Variants in PLEKHA7 observed in about 807,000 individuals in gnomAD.
PLEKHA7 encodes the protein pleckstrin homology domain containing A7, also known as pleckstrin homology domain-containing family A member 7.
PLEKHA7 carries 104 observed loss-of-function variants against 170.0 expected under a neutral mutation model. That is an observed-to-expected ratio of 0.61 (90% CI 0.52 to 0.72). The LOEUF is 0.72. Ranked by LOEUF, PLEKHA7 falls within the 30% of genes least tolerant of loss-of-function variation. PLEKHA7 has a pLI of 0.00. For missense variants in PLEKHA7, 1,615 were observed against 1,671.7 expected (o/e 0.97, Z 0.59); for synonymous variants, 648 against 660.8 (o/e 0.98, Z 0.30).
At chr11:16,927,025 G>A (rs1242802921) in intron 3 of PLEKHA7, among the ~76,000 whole-genome samples, 2 of 141,864 alleles carry the variant, frequency 1.4e-5, no homozygotes, top group Non-Finnish European at 3.3e-5. Flanking sequence ...ATAAGAGGTT[G>A]GGTCAGGCGT....
At chr11:16,907,160 T>TG (rs758170721) in intron 3 of PLEKHA7, among the ~76,000 whole-genome samples, 20,664 of 82,098 alleles carry the variant, frequency 0.25, 2,057 homozygotes, top group Non-Finnish European at 0.3. Flanking sequence ...GGAAGGGAGG[T>TG]GGGGGGGTTA....
At chr11:16,801,933 T>C in intron 15 of PLEKHA7, 116 bp from the exon 16 acceptor site, 7 of 1,302,460 alleles carry the variant, frequency 5.4e-6, no homozygotes, top group Non-Finnish European at 7.4e-6. Context: ...GGATCAGCGC[T>C]GAGATGTGGG....
At chr11:16,840,809 C>T (rs537545784) in intron 9 of PLEKHA7, among the ~76,000 whole-genome samples, 5 of 152,194 alleles carry the variant, frequency 3.3e-5, no homozygotes, top group East Asian at 1.9e-4. Context: ...GGAAGTACCA[C>T]GAATTCCGAA....
chr11:16,843,661 C>G (rs1386513121), intron 8 of PLEKHA7, among the ~76,000 whole-genome samples: 1 of 152,178 alleles, frequency 6.6e-6, no homozygotes. Context: ...AGAATAAGGC[C>G]AGGCACAGGG....
chr11:16,795,029 C>T lies in PLEKHA7; in HGVS notation c.2410-11G>A, dbSNP rs557807524. ...TATCTGCGATTTCTCCTGAGGAAGA[C>T]GAAGTGGTGGGTTTGCCTTCTTAGC... On this transcript the variant is annotated splice_polypyrimidine_tract_variant and intron_variant, in intron 17 of 26. Transcript: ENST00000531066. 5.7e-5 allele frequency: 90 copies of T among 1,591,968 alleles called. 1 individual carries two copies. In the South Asian group the frequency reaches 7.2e-4, roughly 13 times the overall value.
intron 8 of PLEKHA7, among the ~76,000 whole-genome samples, chr11:16,848,583 C>A (rs542668988): frequency 2.0e-4 from 31 of 152,242 alleles, no homozygotes; most frequent in African/African-American, 6.5e-4. Flanking sequence ...GATCTGGTGG[C>A]AGATGTAATA....
At chr11:16,910,770 C>A (rs6486320) in intron 3 of PLEKHA7, among the ~76,000 whole-genome samples, 35,720 of 152,156 alleles carry the variant, frequency 0.23, 6,490 homozygotes, top group African/African-American at 0.5. Flanking sequence ...CCAAAATCAA[C>A]AAGGGCATTC....
rs760188539 is a variant in PLEKHA7, at chr11:16,841,678, T to A, written c.741A>T (p.Thr247=). ...GMRALIYNSS[T]AGSQAEQSGM... is the part of the protein sequence containing the mutation. Reference sequence around the variant, plus strand: ...CTGACTGCTCGGCCTGAGAGCCCGCTGTGGAGCTGTTATAGATGAGCGCTC... The same window carrying A: ...CTGACTGCTCGGCCTGAGAGCCCGCAGTGGAGCTGTTATAGATGAGCGCTC... Residue 247 remains threonine, a synonymous_variant, in exon 9 of 27, where the codon ACA becomes ACT. Coordinates refer to ENST00000531066, the MANE Select transcript of PLEKHA7 (RefSeq NM_001329630.2). 7.4e-6 allele frequency: 12 copies of A among 1,614,058 alleles called. No homozygotes were observed. The Admixed American group carries it at 2.0e-4, about 27-fold the overall frequency.
At chr11:16,986,822 T>C (rs975450886) in intron 3 of PLEKHA7, among the ~76,000 whole-genome samples, 2 of 152,154 alleles carry the variant, frequency 1.3e-5, no homozygotes, top group Admixed American at 1.3e-4. Flanking sequence ...CAGCTCTGCA[T>C]AGCTTTATGT....
In PLEKHA7 at chr11:16,826,114, A is replaced by T; in HGVS notation, c.1343+6T>A. 6.2e-7 allele frequency: 1 copy of T among 1,610,796 alleles called. No individual in the cohort carries two copies. Among genetic ancestry groups the T allele is most frequent in the South Asian group, 1.1e-5 (1 of 90,890 alleles). ...TATAAGCAGCGATCCTGAGTCTATTACTCACCTCCTGCTATCCCCTTTCTG... is the reference window on the plus strand; with the variant it reads ...TATAAGCAGCGATCCTGAGTCTATTTCTCACCTCCTGCTATCCCCTTTCTG... On this transcript the variant is annotated splice_donor_region_variant and intron_variant, in intron 10 of 26. Coordinates refer to ENST00000531066, the MANE Select transcript of PLEKHA7 (RefSeq NM_001329630.2).
intron 3 of PLEKHA7, among the ~76,000 whole-genome samples, chr11:16,961,957 T>C (rs1590729364): frequency 6.6e-6 from 1 of 152,334 alleles, no homozygotes. Flanking sequence ...ATGACGAATA[T>C]GTCCTGTGGG....
intron 13 of PLEKHA7, among the ~76,000 whole-genome samples, chr11:16,810,551 G>A (rs926981513): frequency 1.3e-5 from 2 of 152,182 alleles, no homozygotes; most frequent in African/African-American, 4.8e-5. Flanking sequence ...TTAGCAACCG[G>A]GGTAGCAGCT....
intron 3 of PLEKHA7, among the ~76,000 whole-genome samples, chr11:16,969,379 A>C (rs1862572761): frequency 6.6e-6 from 1 of 152,238 alleles, no homozygotes; most frequent in South Asian, 2.1e-4. Context: ...GAAGCTGAGC[A>C]GCAGTGCTTG....
At chr11:16,903,256 C>T (rs1456928042) in intron 3 of PLEKHA7, among the ~76,000 whole-genome samples, 2 of 152,210 alleles carry the variant, frequency 1.3e-5, no homozygotes, top group Admixed American at 6.5e-5. Context: ...TAATTACAGC[C>T]ATGCACACGG....
chr11:16,813,156 G>A lies in PLEKHA7; in HGVS notation c.1964C>T (p.Thr655Ile), dbSNP rs778429503. Reference sequence around the variant, plus strand: ...CAGGTCTTTCTTCAGCTGGAGGTAGGTATCATCAGCCTTCAAATGAAGCAG... The same window carrying A: ...CAGGTCTTTCTTCAGCTGGAGGTAGATATCATCAGCCTTCAAATGAAGCAG... ...PSLHGKSADD[T>I]YLQLKKDLEY... The change falls in exon 13 of 27, where the codon ACC (threonine) becomes ATC (isoleucine). Residue 655 changes from threonine (T) to isoleucine (I), a missense_variant. Physicochemically the swap from Thr to Ile is moderately conservative, Grantham distance 89 (BLOSUM62 -1). Transcript: ENST00000531066. 3.7e-6 allele frequency: 6 copies of A among 1,613,432 alleles called. No individual in the cohort carries two copies. Among genetic ancestry groups the A allele is most frequent in the Non-Finnish European group, 5.1e-6 (6 of 1,179,418 alleles).
chr11:16,800,670 CTG>C (rs1375641295), intron 17 of PLEKHA7, among the ~76,000 whole-genome samples: 1 of 152,212 alleles, frequency 6.6e-6, no homozygotes, highest in East Asian at 1.9e-4. Flanking sequence ...ATGGATCACT[CTG>C]TGATTACTGA....
intron 3 of PLEKHA7, among the ~76,000 whole-genome samples, chr11:16,972,896 A>G (rs549143452): frequency 1.3e-5 from 2 of 152,364 alleles, no homozygotes; most frequent in African/African-American, 4.8e-5. Flanking sequence ...ATAATAAAAC[A>G]AAGTGTTTCC....
At chr11:16,799,187 G>A (rs549929815) in intron 17 of PLEKHA7, among the ~76,000 whole-genome samples, 2 of 152,196 alleles carry the variant, frequency 1.3e-5, no homozygotes, top group African/African-American at 4.8e-5. Context: ...TGGATTAACT[G>A]TCCTGGAAAG....
intron 3 of PLEKHA7, among the ~76,000 whole-genome samples, chr11:16,892,435 T>A (rs1856700625): frequency 1.0e-5 from 1 of 98,366 alleles, no homozygotes; most frequent in Non-Finnish European, 2.1e-5. Flanking sequence ...TGTGTGTGTG[T>A]TTTGTTTTGT....
Sources: allele counts gnomAD v4.1 joint callset (sites outside exome capture counted in the v4.1 genomes callset), GRCh38; gene constraint gnomAD v4.1.1; transcripts MANE v1.5; gene names NCBI Gene and HGNC (gene_info 2026-07-23, HGNC 2026-07-21).